RPS6KA2: variants seen among roughly 807,000 people sequenced by gnomAD.
The protein encoded by RPS6KA2 is ribosomal protein S6 kinase A2.
In RPS6KA2, 42 loss-of-function variants were observed where a neutral mutation model predicts 91.8. The observed-to-expected ratio is 0.46, with a 90% confidence interval of 0.36 to 0.59. The LOEUF (loss-of-function observed/expected upper bound fraction) is 0.59, where lower values mean the gene tolerates loss of function less well. Ranked by LOEUF, RPS6KA2 falls within the 20% of genes least tolerant of loss-of-function variation. RPS6KA2 has a pLI of 0.00. For missense variants in RPS6KA2, 798 were observed against 978.5 expected (o/e 0.82, Z 2.46); for synonymous variants, 414 against 393.6 (o/e 1.05, Z -0.61).
intron 1 of RPS6KA2, among the ~76,000 whole-genome samples, chr6:166,590,627 C>G (rs1429943318): frequency 1.3e-5 from 2 of 152,212 alleles, no homozygotes; most frequent in Admixed American, 1.3e-4. Context: ...CCACAACACA[C>G]ACACGCACGT....
intron 2 of RPS6KA2, among the ~76,000 whole-genome samples, chr6:166,765,219 A>G (rs1562426346): frequency 6.6e-6 from 1 of 152,238 alleles, no homozygotes; most frequent in Non-Finnish European, 1.5e-5. Context: ...ACTCATAAAC[A>G]GTGCTCCTGA....
rs1212251840 is a variant in RPS6KA2 at position 166,412,925 on chromosome 6, T to A, written c.2077-38A>T. 15 of 1,530,054 alleles carry A rather than the reference T, an allele frequency of 9.8e-6. No homozygotes were observed. Among genetic ancestry groups the A allele is most frequent in the Non-Finnish European group, 1.2e-5 (14 of 1,135,104 alleles). The allele number at this position is 1,530,054 out of a possible 1,614,324, so 94.8% of individuals were successfully genotyped here. Reference sequence around the variant, plus strand: ...AGACAAGGGTGAGAGCCGCGGCGCCTCACTCCAGGGGTTGAGCCGGAGCCC... The same window carrying A: ...AGACAAGGGTGAGAGCCGCGGCGCCACACTCCAGGGGTTGAGCCGGAGCCC... On this transcript the variant is annotated intron_variant, in intron 20 of 20. Transcript: ENST00000265678. The surrounding 1 kb of genome is among the most constrained non-coding windows in gnomAD (Gnocchi z 4.3).
intron 1 of RPS6KA2, among the ~76,000 whole-genome samples, chr6:166,568,478 G>T (rs1341411434): frequency 4.0e-5 from 6 of 151,850 alleles, no homozygotes. Context: ...TTAGCCGGTC[G>T]TGGTGGCAGG....
chr6:166,626,990 C>T lies in RPS6KA2; in HGVS notation c.30G>A (p.Val10=). The T allele has an allele frequency of 1.9e-6, 3 of 1,552,374 alleles. No individual in the cohort carries two copies. The highest frequency in any genetic ancestry group is 2.6e-5 in the East Asian group (1 of 39,042). MDLSMKKFA[V]RRFFSVYLRR... is the part of the protein sequence containing the mutation. Reference sequence around the variant, plus strand: ...GCAGGTACACAGAGAAGAACCTGCGCACGGCGAACTTCTTCATGCTCAGGT... The same window carrying T: ...GCAGGTACACAGAGAAGAACCTGCGTACGGCGAACTTCTTCATGCTCAGGT... Residue 10 remains valine, a synonymous_variant, in exon 1 of 21, where the codon GTG becomes GTA. Coordinates refer to ENST00000265678, the MANE Select transcript of RPS6KA2 (RefSeq NM_021135.6). This position sits in a 1 kb window ranked among gnomAD's most constrained non-coding sequence, Gnocchi z 4.1.
At chr6:166,711,406 G>A (rs1445913967) in intron 2 of RPS6KA2, among the ~76,000 whole-genome samples, 5 of 133,472 alleles carry the variant, frequency 3.7e-5, no homozygotes, top group Non-Finnish European at 4.8e-5. Context: ...ATCTCAAACA[G>A]AAAAAAAAAA....
intron 2 of RPS6KA2, among the ~76,000 whole-genome samples, chr6:166,720,193 G>C (rs1330906459): frequency 6.6e-6 from 1 of 152,058 alleles, no homozygotes; most frequent in Non-Finnish European, 1.5e-5. Context: ...TTTTATTTTA[G>C]GTAATAAGTA....
At chr6:166,831,571 T>C (rs913904783) in intron 2 of RPS6KA2, among the ~76,000 whole-genome samples, 1 of 151,894 alleles carries the variant, frequency 6.6e-6, no homozygotes, top group African/African-American at 2.4e-5. Flanking sequence ...TGGCCCCCAC[T>C]GAGAGACGCT....
chr6:166,510,475 A>G (rs1782425210), intron 3 of RPS6KA2, 118 bp from the exon 4 acceptor site: 3 of 528,084 alleles, frequency 5.7e-6, no homozygotes, highest in Non-Finnish European at 9.7e-6. Context: ...TTTCAAACAT[A>G]TACAAAACTT....
rs781643229 is a variant in RPS6KA2 at position 166,413,929 on chromosome 6, G to A, written c.1941C>T (p.Asp647=). The part of the protein sequence containing the change: ...NWDSISDAAK[D]VVSKMLHVDP... The stretch of plus-strand genomic sequence containing the variant: ...CCACGTGGAGCATCTTGGACACGAC[G>A]TCCTGCCAGGGAAGGTCATGAGAGT... Residue 647 remains aspartate (D), a splice_region_variant and synonymous_variant, in exon 20 of 21, where the codon GAC becomes GAT. Transcript: ENST00000265678. 6.2e-7 allele frequency: 1 copy of A among 1,613,620 alleles called. No individual in the cohort carries two copies. The highest frequency in any genetic ancestry group is 1.1e-5 in the South Asian group (1 of 91,072).
intron 14 of RPS6KA2, among the ~76,000 whole-genome samples, chr6:166,441,275 C>T (rs531690387): frequency 1.5e-3 from 229 of 152,350 alleles, no homozygotes; most frequent in African/African-American, 5.4e-3. Context: ...GCATCTACAG[C>T]CTCTGCCTGT....
chr6:166,825,071 G>A lies in RPS6KA2; in HGVS notation c.123+33129C>T, dbSNP rs911516398. 3.3e-5 allele frequency among the ~76,000 whole-genome samples: 5 copies of A among 152,254 alleles called. No homozygotes were observed. The highest frequency in any genetic ancestry group is 4.4e-5 in the Non-Finnish European group (3 of 68,042). On this transcript the variant is annotated intron_variant, in intron 2 of 21. Coordinates refer to the RPS6KA2 transcript ENST00000503859. The surrounding 1 kb of genome is among the most constrained non-coding windows in gnomAD (Gnocchi z 4.1). ...CACCCACACAGCAGTGCTGCAGAGC[G>A]CTGTTCTTCCACGAGGGAATAGCAG...
chr6:166,820,171 T>G (rs571929848), intron 2 of RPS6KA2, among the ~76,000 whole-genome samples: 210 of 152,294 alleles, frequency 1.4e-3, no homozygotes, highest in Non-Finnish European at 2.2e-3. Flanking sequence ...ACAAAGCCCC[T>G]TCTTCAACTT....
intron 1 of RPS6KA2, among the ~76,000 whole-genome samples, chr6:166,559,206 A>G (rs1173782207): frequency 1.3e-5 from 2 of 152,160 alleles, no homozygotes; most frequent in African/African-American, 4.8e-5. Flanking sequence ...GACATGGAAT[A>G]TGACACACCA....
chr6:166,530,887 C>T (rs940203084), intron 3 of RPS6KA2, among the ~76,000 whole-genome samples: 4 of 152,254 alleles, frequency 2.6e-5, no homozygotes, highest in South Asian at 2.1e-4. Flanking sequence ...GTGAGGCCGT[C>T]GGCCTGCCGG....
At position 166,732,308 on chromosome 6, in the gene RPS6KA2, T is replaced by G. The variant is rs890293637; in HGVS notation, c.123+125892A>C. On this transcript the variant is annotated intron_variant, in intron 2 of 21. Coordinates refer to the RPS6KA2 transcript ENST00000503859. This position sits in a 1 kb window ranked among gnomAD's most constrained non-coding sequence, Gnocchi z 4.0. ...ACAATTTAGAAGTATGTCTTTCCAT[T>G]GGGATGAAGCATTCTCAGAAATATC... is the stretch of plus-strand genomic sequence containing the variant. Among the ~76,000 whole-genome samples, 9 of 152,164 alleles carry G rather than the reference T, an allele frequency of 5.9e-5. No homozygotes were observed. The highest frequency in any genetic ancestry group is 2.2e-4 in the African/African-American group (9 of 41,424).
chr6:166,777,028 G>T (rs758464816), intron 2 of RPS6KA2, among the ~76,000 whole-genome samples: 1 of 152,094 alleles, frequency 6.6e-6, no homozygotes, highest in Non-Finnish European at 1.5e-5. Context: ...TTTTCATTGG[G>T]CTGGTGGTCT....
chr6:166,672,884 C>A lies in RPS6KA2; in HGVS notation c.124-134100G>T, dbSNP rs180720074. Among the ~76,000 whole-genome samples the A allele has an allele frequency of 1.6e-4, 24 of 152,292 alleles. 1 individual carries two copies. The East Asian group carries it at 3.9e-3, about 25-fold the overall frequency. ...CTGAAAGAGAGGCAGTTGCCGTAAG[C>A]CTTAAGCCTCGGCAGAAGGAGGCTC... On this transcript the variant is annotated intron_variant, in intron 2 of 21. Coordinates refer to the RPS6KA2 transcript ENST00000503859.
At chr6:166,862,284 A>G in exon 1 of RPS6KA2, 2 of 1,583,398 alleles carry the variant, frequency 1.3e-6, no homozygotes, top group Admixed American at 3.4e-5. Flanking sequence ...CAAGGGACGC[A>G]GAGGCCGGCG....
At chr6:166,511,993 C>A (rs1782491548) in intron 3 of RPS6KA2, among the ~76,000 whole-genome samples, 2 of 152,122 alleles carry the variant, frequency 1.3e-5, no homozygotes, top group Non-Finnish European at 2.9e-5. Context: ...GTTCATCCAC[C>A]CATGTTCATG....
Sources: gnomAD v4.1 joint callset for allele counts (sites outside exome capture counted in the v4.1 genomes callset) on GRCh38, gnomAD v4.1.1 for gene constraint, Gnocchi (gnomAD v3.1) non-coding constraint, MANE v1.5 for transcripts, NCBI Gene and HGNC (gene_info 2026-07-23, HGNC 2026-07-21) for gene names.